Variants in CTNNA2 observed in about 807,000 individuals in gnomAD.
CTNNA2 encodes catenin alpha-2.
A neutral mutation model predicts 101.0 loss-of-function variants in CTNNA2; 42 were observed. That is an observed-to-expected ratio of 0.42 (90% confidence interval 0.32 to 0.54). The LOEUF is 0.54. CTNNA2 is among the 20% of genes least tolerant of loss of function. CTNNA2 has a pLI of 0.14. For missense variants in CTNNA2, 871 were observed against 1,223.1 expected (o/e 0.71, Z 4.29); for synonymous variants, 450 against 456.4 (o/e 0.99, Z 0.18).
At chr2:80,551,084 A>G (rs1212612674) in intron 11 of CTNNA2, among the ~76,000 whole-genome samples, 1 of 152,218 alleles carries the variant, frequency 6.6e-6, no homozygotes, top group Non-Finnish European at 1.5e-5. Context: ...GGAAAGCACT[A>G]TTAATCTCTG....
chr2:79,827,462 C>A (rs887172390), intron 3 of CTNNA2, among the ~76,000 whole-genome samples: 1 of 152,178 alleles, frequency 6.6e-6, no homozygotes, highest in Non-Finnish European at 1.5e-5. Flanking sequence ...ATTAGCAAGA[C>A]TTAAGGGAGC....
intron 4 of CTNNA2, among the ~76,000 whole-genome samples, chr2:79,423,053 A>C (rs1678555211): frequency 6.6e-6 from 1 of 152,168 alleles, no homozygotes; most frequent in Admixed American, 6.6e-5. Flanking sequence ...TTCACTTGAA[A>C]TTGGGAGGCC....
chr2:80,012,885 C>T (rs982372561), intron 7 of CTNNA2, among the ~76,000 whole-genome samples: 4 of 152,140 alleles, frequency 2.6e-5, no homozygotes, highest in South Asian at 4.1e-4. Context: ...ACATTCTCGA[C>T]GAGGCACAGT....
At chr2:79,868,595 A>AGTT (rs150263054) in intron 4 of CTNNA2, among the ~76,000 whole-genome samples, 2 of 152,356 alleles carry the variant, frequency 1.3e-5, no homozygotes, top group East Asian at 3.9e-4. Context: ...CAGCCATTGT[A>AGTT]GTTGTCATTT....
intron 7 of CTNNA2, chr2:80,288,715 C>T (rs1674982232): frequency 6.6e-6 from 1 of 152,286 alleles, no homozygotes; most frequent in South Asian, 2.1e-4. Flanking sequence ...GGCAGGGCAC[C>T]AGCTTGGAGC....
intron 2 of CTNNA2, among the ~76,000 whole-genome samples, chr2:79,302,779 C>T (rs948359864): frequency 1.3e-5 from 2 of 152,150 alleles, no homozygotes; most frequent in African/African-American, 4.8e-5. Flanking sequence ...GCTATCATTT[C>T]AAATTTTTCA....
chr2:80,287,668 A>G (rs772483598), intron 7 of CTNNA2, among the ~76,000 whole-genome samples: 1 of 152,180 alleles, frequency 6.6e-6, no homozygotes, highest in South Asian at 2.1e-4. Flanking sequence ...TCTCTAGATT[A>G]ATAGGGGTTG....
intron 9 of CTNNA2, among the ~76,000 whole-genome samples, chr2:80,544,703 G>A (rs745336664): frequency 2.0e-5 from 3 of 152,054 alleles, no homozygotes; most frequent in African/African-American, 4.8e-5. Context: ...GAGTGTAGGC[G>A]GATCAAGGCA....
chr2:79,973,209 T>A (rs890091033), intron 7 of CTNNA2, among the ~76,000 whole-genome samples: 25 of 151,536 alleles, frequency 1.6e-4, no homozygotes, highest in African/African-American at 5.9e-4. Context: ...CCCTTTCTCT[T>A]GGTTATTTTT....
chr2:79,301,098 A>G (rs1000231680), intron 2 of CTNNA2, among the ~76,000 whole-genome samples: 1 of 152,208 alleles, frequency 6.6e-6, no homozygotes, highest in African/African-American at 2.4e-5. Context: ...ATATTACAAG[A>G]TGCCTTTTCT....
At chr2:80,591,457 G>GTTTTTTTTCTTTTTTTTTTTTTTTTTTT (rs1696487997) in intron 15 of CTNNA2, among the ~76,000 whole-genome samples, 1 of 70,314 alleles carries the variant, frequency 1.4e-5, no homozygotes, top group Admixed American at 1.8e-4. Flanking sequence ...TGCACAGCCT[G>GTTTTTTTTCTTTTTTTTTTTTTTTTTTT]TTTTTTTTTT....
At chr2:79,919,514 T>C (rs1686505357) in intron 7 of CTNNA2, among the ~76,000 whole-genome samples, 1 of 152,180 alleles carries the variant, frequency 6.6e-6, no homozygotes, top group Non-Finnish European at 1.5e-5. Flanking sequence ...GTAGCTGAGA[T>C]TGTTGACAGA....
At chr2:79,289,382 T>C (rs1675725873) in intron 2 of CTNNA2, among the ~76,000 whole-genome samples, 1 of 152,212 alleles carries the variant, frequency 6.6e-6, no homozygotes, top group Non-Finnish European at 1.5e-5. Flanking sequence ...TGAGTGTTTG[T>C]TAATAAAAAT....
intron 6 of CTNNA2, among the ~76,000 whole-genome samples, chr2:79,906,604 T>C (rs1034296008): frequency 6.6e-6 from 1 of 152,204 alleles, no homozygotes. Context: ...AGTGTAACTT[T>C]TATGCAGAGT....
At chr2:80,609,367 A>C (rs1356201046) in intron 17 of CTNNA2, among the ~76,000 whole-genome samples, 1 of 151,742 alleles carries the variant, frequency 6.6e-6, no homozygotes, top group Non-Finnish European at 1.5e-5. Flanking sequence ...CATAGCTGGG[A>C]AAAGAACTGA....
intron 7 of CTNNA2, among the ~76,000 whole-genome samples, chr2:80,370,253 GGT>G (rs55674137): frequency 0.021 from 3,104 of 150,722 alleles, 44 homozygotes; most frequent in Middle Eastern, 0.037. Flanking sequence ...ATATTTGAGT[GGT>G]GTGTGTGTGT....
intron 7 of CTNNA2, among the ~76,000 whole-genome samples, chr2:80,377,962 G>A (rs1676121847): frequency 6.6e-6 from 1 of 152,154 alleles, no homozygotes; most frequent in Non-Finnish European, 1.5e-5. Context: ...TGAGTACAAG[G>A]GAAACTCCTT....
rs148817552 is a variant in CTNNA2, at chr2:80,319,024, A to T, written c.1057-74187A>T. Among the ~76,000 whole-genome samples, 958 of 152,258 alleles carry T rather than the reference A, an allele frequency of 6.3e-3. 13 individuals are homozygous for T. Among genetic ancestry groups the T allele is most frequent in the African/African-American group, 0.021 (893 of 41,538 alleles). On this transcript the variant is annotated intron_variant, in intron 7 of 18. Transcript: ENST00000402739. The stretch of plus-strand genomic sequence containing the variant: ...GGCTTATCTCTGTGCTTTAGAAGGT[A>T]TTATCAAATAAAGATTCTCACCCTT...
In CTNNA2 at chr2:80,169,616, TAGG is replaced by T. The variant is rs780679545; in HGVS notation, c.1057-223591_1057-223589del. On this transcript the variant is annotated intron_variant, in intron 7 of 18. Coordinates refer to ENST00000402739, the MANE Select transcript of CTNNA2 (RefSeq NM_001282597.3). ...GTTTCTGTGGCCTAAACTCTGTGGG[TAGG>T]AGGTGTTGGCCTGATGGATGCTTCC... Among the ~76,000 whole-genome samples, 3 of 152,158 alleles carry T rather than the reference TAGG, an allele frequency of 2.0e-5. No individual in the cohort carries two copies. The East Asian group carries it at 5.8e-4, about 29-fold the overall frequency.
Sources: allele counts gnomAD v4.1 joint callset (sites outside exome capture counted in the v4.1 genomes callset), GRCh38; gene constraint gnomAD v4.1.1; transcripts MANE v1.5; gene names NCBI Gene and HGNC (gene_info 2026-07-23, HGNC 2026-07-21).